Variants in PSD3 observed in about 807,000 individuals in gnomAD.
PSD3 encodes pleckstrin and Sec7 domain containing 3, also known as PH and SEC7 domain-containing protein 3.
PSD3 carries 49 observed loss-of-function variants against 105.5 expected under a neutral mutation model. That is an observed-to-expected ratio of 0.46 (90% confidence interval 0.37 to 0.59). The LOEUF is 0.59. Among genes scored for constraint, PSD3 ranks in the 20% least tolerant of loss-of-function variants. The pLI is 0.00. For missense variants in PSD3, 1,561 were observed against 1,263.8 expected (o/e 1.24, Z -3.57); for synonymous variants, 557 against 457.8 (o/e 1.22, Z -2.77).
At chr8:18,634,653 G>A (rs1225591453) in intron 10 of PSD3, among the ~76,000 whole-genome samples, 3 of 152,070 alleles carry the variant, frequency 2.0e-5, no homozygotes, top group Middle Eastern at 3.2e-3. Flanking sequence ...ACTTTGAACA[G>A]TATTGGTCAG....
At chr8:18,616,021 A>G (rs1049087110) in intron 11 of PSD3, among the ~76,000 whole-genome samples, 4 of 136,334 alleles carry the variant, frequency 2.9e-5, no homozygotes, top group Non-Finnish European at 6.6e-5. Flanking sequence ...TCCAAGGAAT[A>G]TAACAGCCTC....
intron 9 of PSD3, among the ~76,000 whole-genome samples, chr8:18,747,211 T>A (rs747264211): frequency 6.6e-6 from 1 of 152,262 alleles, no homozygotes; most frequent in African/African-American, 2.4e-5. Context: ...TGTATGTGGG[T>A]ACCTGCAGGT....
intron 1 of PSD3, among the ~76,000 whole-genome samples, chr8:19,007,670 A>G (rs1396751094): frequency 6.7e-6 from 1 of 149,942 alleles, no homozygotes; most frequent in African/African-American, 2.4e-5. Context: ...GTCAGTGGAC[A>G]AGGTTTTTTG....
intron 1 of PSD3, among the ~76,000 whole-genome samples, chr8:18,982,888 G>A (rs148373787): frequency 6.6e-6 from 1 of 152,176 alleles, no homozygotes; most frequent in Non-Finnish European, 1.5e-5. Context: ...TCAACTTCAA[G>A]TCACCAGCTG....
Position 18,746,924 on chromosome 8 carries a change from T to A in PSD3, c.2172+18525A>T, listed in dbSNP as rs1166336545. 2.0e-5 allele frequency among the ~76,000 whole-genome samples: 3 copies of A among 152,238 alleles called. No individual in the cohort carries two copies. In the East Asian group the frequency reaches 5.8e-4, roughly 29 times the overall value. The stretch of plus-strand genomic sequence containing the variant: ...ATAGAAGGGCACATTCAGTGAGGAC[T>A]GAAAGAAATGCCCTTAGGCATGGAT... On this transcript the variant is annotated intron_variant, in intron 9 of 15. Coordinates refer to ENST00000327040, the MANE Select transcript of PSD3 (RefSeq NM_015310.4).
intron 12 of PSD3, among the ~76,000 whole-genome samples, chr8:18,583,264 T>C (rs1802939588): frequency 2.0e-5 from 3 of 152,082 alleles, no homozygotes; most frequent in African/African-American, 7.2e-5. Context: ...CGAAGTGAGA[T>C]CCCGTTTCTA....
Position 18,801,356 on chromosome 8 carries a change from A to G in PSD3, c.1937T>C (p.Val646Ala). The G allele has an allele frequency of 1.2e-6, 2 of 1,604,648 alleles. No homozygotes were observed. The highest frequency in any genetic ancestry group is 1.7e-6 in the Non-Finnish European group (2 of 1,173,700). ...TCTCTCTCGTTCTTGAGTTTCTCCC[A>G]CAAGAGAGAATGCTTTAAAGAAATA... ...LRYFFKAFSL[V>A]GETQERERVL... Residue 646 changes from valine to alanine, a missense_variant, in exon 7 of 16, where the codon GTG becomes GCG. Transcript: ENST00000327040.
intron 15 of PSD3, among the ~76,000 whole-genome samples, chr8:18,538,566 T>C (rs560369859): frequency 1.2e-3 from 176 of 152,252 alleles, no homozygotes; most frequent in Non-Finnish European, 1.9e-3. Flanking sequence ...AGTTTAAAAA[T>C]AGATTCAGGA....
At chr8:18,753,639 G>A (rs912741109) in intron 9 of PSD3, among the ~76,000 whole-genome samples, 1 of 152,132 alleles carries the variant, frequency 6.6e-6, no homozygotes, top group African/African-American at 2.4e-5. Flanking sequence ...AGGGAACAGA[G>A]TTCAAGAATG....
chr8:18,554,640 C>T (rs1368756067), intron 15 of PSD3, among the ~76,000 whole-genome samples: 1 of 151,960 alleles, frequency 6.6e-6, no homozygotes, highest in African/African-American at 2.4e-5. Context: ...AAATTGTATC[C>T]AATTCAGCAA....
rs1829150692 is a variant in PSD3, at chr8:19,068,510, T to G, written c.324+15696A>C. Among the ~76,000 whole-genome samples the G allele has an allele frequency of 3.3e-5, 5 of 152,120 alleles. No individual in the cohort carries two copies. In the South Asian group the frequency reaches 1.0e-3, roughly 31 times the overall value. ...TTCACTATGTTGTCTAAGCTGGTCT[T>G]GAAGTCCTGGCCTCAAGCAATCCTT... is the stretch of plus-strand genomic sequence containing the variant. On this transcript the variant is annotated intron_variant, in intron 1 of 1. Transcript: ENST00000521475.
In PSD3 at chr8:18,672,020, A is replaced by G. The variant is rs75572096; in HGVS notation, c.2173-16335T>C. On this transcript the variant is annotated intron_variant, in intron 9 of 15. Coordinates refer to ENST00000327040, the MANE Select transcript of PSD3 (RefSeq NM_015310.4). ...CTTGTCTAGTTTAGACAGCTAAACC[A>G]TATCAGTGAAAAACATAACCATAAC... 7.4e-3 allele frequency among the ~76,000 whole-genome samples: 1,121 copies of G among 152,338 alleles called. 4 individuals carry two copies. Among genetic ancestry groups the G allele is most frequent in the Non-Finnish European group, 0.012 (783 of 68,032 alleles).
rs36197855 is a variant in PSD3, at chr8:18,616,618, C to CTTTTT, written c.2410+15994_2410+15995insAAAAA. Among the ~76,000 whole-genome samples, 392 of 72,144 alleles carry CTTTTT rather than the reference C, an allele frequency of 5.4e-3. 17 individuals carry two copies. The highest frequency in any genetic ancestry group is 0.015 in the African/African-American group (310 of 21,162). 47.3% of individuals were successfully genotyped at this position (72,144 alleles called of 152,430 possible). A position where few individuals can be genotyped will look rare whatever the true frequency, so the allele number is the denominator to read the frequency against. ...TGCTAGCCAGGCCTCATCTTCCTCT[C>CTTTTT]TTTTCTTTTCTTTTTTTTTTTTTGA... On this transcript the variant is annotated intron_variant, in intron 11 of 15. Transcript: ENST00000327040.
chr8:18,614,411 A>T (rs1194229903), intron 11 of PSD3, among the ~76,000 whole-genome samples: 2 of 140,082 alleles, frequency 1.4e-5, no homozygotes, highest in Non-Finnish European at 3.1e-5. Flanking sequence ...ATTACCGGGA[A>T]TTTTTTTTTT....
intron 4 of PSD3, among the ~76,000 whole-genome samples, chr8:18,863,257 T>G (rs1250293635): frequency 6.6e-6 from 1 of 152,186 alleles, no homozygotes; most frequent in African/African-American, 2.4e-5. Context: ...ACTTACTGAT[T>G]GAAGTTGTGG....
intron 4 of PSD3, chr8:18,865,013 C>CA (rs1243489751): frequency 1.3e-5 from 2 of 150,848 alleles, no homozygotes; most frequent in Admixed American, 6.6e-5. Context: ...TTCTTGAAAA[C>CA]AGACCATCTC....
At chr8:18,902,890 A>G (rs1819599238) in intron 2 of PSD3, among the ~76,000 whole-genome samples, 1 of 152,136 alleles carries the variant, frequency 6.6e-6, no homozygotes, top group Admixed American at 6.6e-5. Context: ...CATTTTCCAC[A>G]CAATGGGGAG....
intron 11 of PSD3, among the ~76,000 whole-genome samples, chr8:18,607,302 C>T (rs184094450): frequency 1.3e-5 from 2 of 152,252 alleles, no homozygotes; most frequent in Admixed American, 1.3e-4. Context: ...TCTAATATTA[C>T]TAATAATTAC....
chr8:18,946,534 T>C lies in PSD3; in HGVS notation c.22-10392A>G, dbSNP rs140146033. On this transcript the variant is annotated intron_variant, in intron 1 of 15. Transcript: ENST00000327040. Reference sequence around the variant, plus strand: ...AGGTTGAGGCTGTAGTGAGCTATGATTGTGCCACTGCACTCCAGCCTGGGC... The same window carrying C: ...AGGTTGAGGCTGTAGTGAGCTATGACTGTGCCACTGCACTCCAGCCTGGGC... 5.5e-3 allele frequency among the ~76,000 whole-genome samples: 841 copies of C among 151,982 alleles called. 4 individuals are homozygous for C. Among genetic ancestry groups the C allele is most frequent in the African/African-American group, 0.019 (804 of 41,450 alleles).
Sources: gnomAD v4.1 joint callset for allele counts (sites outside exome capture counted in the v4.1 genomes callset) on GRCh38, gnomAD v4.1.1 for gene constraint, MANE v1.5 for transcripts, NCBI Gene and HGNC (gene_info 2026-07-23, HGNC 2026-07-21) for gene names.